ANK1: variants seen among roughly 807,000 people sequenced by gnomAD.
ANK1 encodes ankyrin-1.
In ANK1, 51 loss-of-function variants were observed where a neutral mutation model predicts 210.4. The observed-to-expected ratio is 0.24, with a 90% CI of 0.19 to 0.31. The LOEUF is 0.31. Ranked by LOEUF, ANK1 falls within the 10% of genes least tolerant of loss-of-function variation. The probability of loss-of-function intolerance (pLI) is 1.00; values close to 1 mark genes in which losing one functional copy is unlikely to be tolerated. For missense variants in ANK1, 2,051 were observed against 2,504.4 expected, an observed-to-expected ratio of 0.82 and a Z score of 3.86; for synonymous variants, 967 against 1,025.9, an observed-to-expected ratio of 0.94 and a Z score of 1.10.
At chr8:41,742,281 C>A (rs758529821) in intron 2 of ANK1, among the ~76,000 whole-genome samples, 2 of 152,144 alleles carry the variant, frequency 1.3e-5, no homozygotes, top group African/African-American at 2.4e-5. Flanking sequence ...ACAGGAGACA[C>A]GGGGAATTTA....
At chr8:41,888,522 G>T (rs1051757965) in intron 1 of ANK1, among the ~76,000 whole-genome samples, 9 of 152,224 alleles carry the variant, frequency 5.9e-5, no homozygotes, top group Non-Finnish European at 1.3e-4. Flanking sequence ...CCGGCTCCTG[G>T]CAGGCGCTTC....
At chr8:41,695,040 G>T in intron 27 of ANK1, 137 bp downstream of exon 27, 1 of 1,248,460 alleles carries the variant, frequency 8.0e-7, no homozygotes, top group Non-Finnish European at 1.2e-6. Context: ...GGGACCCAGG[G>T]CTTGTCCACA....
At chr8:41,758,159 G>T in intron 1 of ANK1, 22 bp from the exon 2 acceptor site, 1 of 1,601,406 alleles carries the variant, frequency 6.2e-7, no homozygotes, top group Non-Finnish European at 8.5e-7. Context: ...AACAACAGGC[G>T]GTGAGTGTCC....
At chr8:41,752,236 G>A (rs1837884010) in intron 2 of ANK1, among the ~76,000 whole-genome samples, 1 of 152,140 alleles carries the variant, frequency 6.6e-6, no homozygotes, top group Non-Finnish European at 1.5e-5. Flanking sequence ...TCCTTCACCA[G>A]CATGCACAGG....
intron 9 of ANK1, among the ~76,000 whole-genome samples, chr8:41,722,711 T>C (rs1001083481): frequency 2.0e-5 from 3 of 152,220 alleles, no homozygotes; most frequent in Admixed American, 1.3e-4. Flanking sequence ...GACATAGGGA[T>C]TGATCTAGAG....
At chr8:41,821,467 TTC>T (rs376191462) in intron 1 of ANK1, among the ~76,000 whole-genome samples, 2,316 of 152,324 alleles carry the variant, frequency 0.015, 24 homozygotes, top group South Asian at 0.027. Flanking sequence ...CTAGATGTCA[TTC>T]AACCGTAGGG....
At chr8:41,871,719 T>C (rs1355124483) in intron 1 of ANK1, among the ~76,000 whole-genome samples, 3 of 152,218 alleles carry the variant, frequency 2.0e-5, no homozygotes, top group Non-Finnish European at 4.4e-5. Flanking sequence ...AAATGTCTGC[T>C]GGTCAAGGCA....
chr8:41,763,696 G>T (rs1433397079), intron 1 of ANK1, among the ~76,000 whole-genome samples: 2 of 152,064 alleles, frequency 1.3e-5, no homozygotes, highest in Non-Finnish European at 1.5e-5. Context: ...CTCAGGCTCT[G>T]TCCCTGAGCA....
intron 15 of ANK1, 75 bp downstream of exon 15, chr8:41,714,901 T>A (rs1827194698): frequency 7.1e-7 from 1 of 1,399,526 alleles, no homozygotes. Context: ...AGATGGAATC[T>A]GCAAGTGCTG....
Position 41,694,177 on chromosome 8 carries a change from C to A in ANK1, c.3328-75G>T, listed in dbSNP as rs1563450409. 4.7e-6 allele frequency: 7 copies of A among 1,489,588 alleles called. No homozygotes were observed. The highest frequency in any genetic ancestry group is 1.9e-5 in the Admixed American group (1 of 52,494). The allele number at this position is 1,489,588 out of a possible 1,614,324, so 92.3% of individuals were successfully genotyped here. On this transcript the variant is annotated intron_variant, in intron 28 of 42. Coordinates refer to ENST00000289734, the MANE Select transcript of ANK1 (RefSeq NM_000037.4). The surrounding 1 kb of genome is among the most constrained non-coding windows in gnomAD (Gnocchi z 5.7). ...AATCAGACGGGAGGCAGCTCCATGC[C>A]TGGTGAGAGTGGCCGTCAGTGCACG...
rs1827229891 is a variant in ANK1, at chr8:41,715,016, A to C, written c.1661T>G (p.Leu554Arg). The change falls in exon 15 of 43, where the codon CTG (leucine) becomes CGG (arginine). Residue 554 changes from leucine (L) to arginine (R), a missense_variant. Physicochemically the swap from Leu to Arg is moderately radical, Grantham distance 102 (BLOSUM62 -2). Coordinates refer to ENST00000289734, the MANE Select transcript of ANK1 (RefSeq NM_000037.4). ...CGGGTGTGCGTCCCGCTCCAGCAGCAGCTCTGCCACCCGCACCTTCCCGTA... is the reference window on the plus strand; with the variant it reads ...CGGGTGTGCGTCCCGCTCCAGCAGCCGCTCTGCCACCCGCACCTTCCCGTA... ...AKYGKVRVAE[L>R]LLERDAHPNA... 6.2e-7 allele frequency: 1 copy of C among 1,614,184 alleles called. No homozygotes were observed. Among genetic ancestry groups the C allele is most frequent in the Non-Finnish European group, 8.5e-7 (1 of 1,180,026 alleles).
At chr8:41,816,705 C>T (rs190545139) in intron 1 of ANK1, among the ~76,000 whole-genome samples, 15 of 152,306 alleles carry the variant, frequency 9.8e-5, no homozygotes, top group African/African-American at 3.1e-4. Context: ...GTTGGGATTA[C>T]AGGCATGAGC....
At chr8:41,707,919 G>T (rs1272534925) in intron 17 of ANK1, among the ~76,000 whole-genome samples, 1 of 152,102 alleles carries the variant, frequency 6.6e-6, no homozygotes, top group African/African-American at 2.4e-5. Context: ...CATCAAAGAA[G>T]TGGTTCTTCA....
intron 3 of ANK1, among the ~76,000 whole-genome samples, chr8:41,730,121 A>G (rs1467242609): frequency 6.6e-6 from 1 of 152,252 alleles, no homozygotes; most frequent in East Asian, 1.9e-4. Flanking sequence ...GACCTTGCCC[A>G]GTGGCTCCTG....
intron 1 of ANK1, among the ~76,000 whole-genome samples, chr8:41,777,611 AAAACAAACAAAC>A (rs200293743): frequency 6.6e-6 from 1 of 151,334 alleles, no homozygotes. Context: ...ACAATAAATA[AAAACAAACAAAC>A]AAACAAACAA....
chr8:41,702,062 G>A lies in ANK1; in HGVS notation c.2378C>T (p.Thr793Ile). ...GAGAGGCAGACATACCACGAAACTG[G>A]TTTCATCCGTGACGACCTTGAGCAC... ...TDVLKVVTDE[T>I]SFVLVSDKHR... The change falls in exon 21 of 43, where the codon ACC becomes ATC. Residue 793 changes from threonine to isoleucine, a missense_variant. Physicochemically the swap from Thr to Ile is moderately conservative, Grantham distance 89. Transcript: ENST00000289734. 1.2e-6 allele frequency: 2 copies of A among 1,614,112 alleles called. No individual in the cohort carries two copies. Among genetic ancestry groups the A allele is most frequent in the Non-Finnish European group, 1.7e-6 (2 of 1,179,932 alleles).
chr8:41,661,805 G>T (rs1254936523), intron 41 of ANK1, 71 bp downstream of exon 41: 10 of 1,613,734 alleles, frequency 6.2e-6, no homozygotes, highest in Non-Finnish European at 6.8e-6. Flanking sequence ...CAGTACCTTG[G>T]AGTGTTTCAT....
chr8:41,882,924 A>C (rs1817835989), intron 1 of ANK1, among the ~76,000 whole-genome samples: 1 of 152,174 alleles, frequency 6.6e-6, no homozygotes, highest in African/African-American at 2.4e-5. Flanking sequence ...AACAGACACC[A>C]TTCTGCCCCC....
At chr8:41,859,122 G>A (rs1007682035) in intron 1 of ANK1, among the ~76,000 whole-genome samples, 10 of 152,196 alleles carry the variant, frequency 6.6e-5, no homozygotes, top group African/African-American at 1.4e-4. Flanking sequence ...CCCAAAGAGC[G>A]CAGGCCCCCC....
Sources: allele counts gnomAD v4.1 joint callset (sites outside exome capture counted in the v4.1 genomes callset), GRCh38; gene constraint gnomAD v4.1.1; non-coding constraint Gnocchi (gnomAD v3.1); transcripts MANE v1.5; gene names NCBI Gene and HGNC (gene_info 2026-07-23, HGNC 2026-07-21).